The following NTS variants were observed in gnomAD, a reference collection of about 807,000 sequenced individuals.
NTS encodes neurotensin.
Under a neutral mutation model 19.5 loss-of-function variants are expected in NTS, and 20 were observed. That is an observed-to-expected ratio of 1.02 (90% CI 0.72 to 1.49). The LOEUF (loss-of-function observed/expected upper bound fraction) is 1.49. Ranked by LOEUF, NTS falls within the 40% of genes most tolerant of loss-of-function variation. The probability of loss-of-function intolerance (pLI) is 0.00; values close to 1 mark genes in which losing one functional copy is unlikely to be tolerated. For synonymous variants in NTS, 71 were observed against 63.3 expected, an observed-to-expected ratio of 1.12 and a Z score of -0.58; for missense variants, 215 against 193.1, an observed-to-expected ratio of 1.11 and a Z score of -0.67.
intron 3 of NTS, among the ~76,000 whole-genome samples, chr12:85,880,574 A>G (rs757635175): frequency 1.3e-5 from 2 of 152,180 alleles, no homozygotes; most frequent in Non-Finnish European, 2.9e-5. Context: ...GCAAAAAGAT[A>G]ATTTCTAAAC....
At chr12:85,876,211 T>C (rs1219460512) in intron 1 of NTS, among the ~76,000 whole-genome samples, 1 of 151,990 alleles carries the variant, frequency 6.6e-6, no homozygotes. Flanking sequence ...CCTTTGGTTT[T>C]GTCTTGAAAA....
At position 85,878,326 on chromosome 12, in the gene NTS, T is replaced by G. The variant is rs759992678; in HGVS notation, c.136-19T>G. On this transcript the variant is annotated intron_variant, in intron 2 of 3. Transcript: ENST00000256010. ...GTAACACAAGTTTTAATTGCAGGGG[T>G]TTTTTTAATATATTTCAGATTAGTA... 5 of 1,528,404 alleles carry G rather than the reference T, an allele frequency of 3.3e-6. No homozygotes were observed. The highest frequency in any genetic ancestry group is 4.4e-6 in the Non-Finnish European group (5 of 1,128,494). The allele number at this position is 1,528,404 out of a possible 1,614,324, so 94.7% of individuals were successfully genotyped here.
At chr12:85,874,948 A>C (rs552933321) in intron 1 of NTS, among the ~76,000 whole-genome samples, 1 of 152,358 alleles carries the variant, frequency 6.6e-6, no homozygotes, top group East Asian at 1.9e-4. Context: ...TAAGATAACA[A>C]ATAAAGTGAA....
intron 3 of NTS, among the ~76,000 whole-genome samples, chr12:85,881,230 C>T (rs1881495840): frequency 6.6e-6 from 1 of 152,016 alleles, no homozygotes; most frequent in Non-Finnish European, 1.5e-5. Context: ...GCTGTTTTTT[C>T]TCCTCTGAAA....
intron 1 of NTS, 78 bp downstream of exon 1, chr12:85,874,554 T>A: frequency 1.0e-6 from 1 of 974,410 alleles, no homozygotes; most frequent in Non-Finnish European, 1.6e-6. Context: ...CTTATGTTAA[T>A]GTATCTGGGG....
chr12:85,878,249 T>TG, intron 2 of NTS, 96 bp from the exon 3 acceptor site: 2 of 827,976 alleles, frequency 2.4e-6, no homozygotes, highest in South Asian at 3.7e-5. Context: ...GGAGTAGCAA[T>TG]TAGACCCTAA....
Position 85,878,359 on chromosome 12 carries a change from T to TG in NTS, c.151dup (p.Val51GlyfsTer17), listed in dbSNP as rs1183948673. On this transcript the variant is annotated frameshift_variant, in exon 3 of 4. Coordinates refer to ENST00000256010, the MANE Select transcript of NTS (RefSeq NM_006183.5). LOFTEE classifies it high-confidence loss of function. ...ATATATTTCAGATTAGTAAAGCACA[T>TG]GTTCCCTCTTGGAAGATGACTCTGC... 6.2e-7 allele frequency: 1 copy of TG among 1,603,656 alleles called. No homozygotes were observed.
rs1218948778 is a variant in NTS at position 85,882,471 on chromosome 12, C to T, written c.*96C>T. The T allele has an allele frequency of 1.0e-6, 1 of 957,086 alleles. No individual in the cohort carries two copies. Among genetic ancestry groups the T allele is most frequent in the Non-Finnish European group, 1.6e-6 (1 of 643,886 alleles). 59.3% of individuals were successfully genotyped at this position (957,086 alleles called of 1,614,324 possible). ...GTGAAAATGTGACAAACACACTTATCTGTCTCTTCTACAATTGTGGTTTAT... is the reference window on the plus strand; with the variant it reads ...GTGAAAATGTGACAAACACACTTATTTGTCTCTTCTACAATTGTGGTTTAT... On this transcript the variant is annotated 3_prime_UTR_variant, in exon 4 of 4. Transcript: ENST00000256010.
rs1196121483 is a variant in NTS at position 85,874,342 on chromosome 12, G to A, written c.-62G>A. The A allele has an allele frequency of 8.4e-7, 1 of 1,190,690 alleles. No individual in the cohort carries two copies. The highest frequency in any genetic ancestry group is 1.3e-6 in the Non-Finnish European group (1 of 794,554). 73.8% of individuals were successfully genotyped at this position (1,190,690 alleles called of 1,614,324 possible). ...CAGCTGAAGGAAAGAGGAAGTGCTA[G>A]AGAGAGCCCCCTTCAGTGTGCTTCT... On this transcript the variant is annotated 5_prime_UTR_variant, in exon 1 of 4. Transcript: ENST00000256010.
chr12:85,882,151 A>G (rs1477712384), intron 3 of NTS, 72 bp from the exon 4 acceptor site: 2 of 1,175,108 alleles, frequency 1.7e-6, no homozygotes, highest in Non-Finnish European at 2.5e-6. Context: ...AATGAGATAG[A>G]ATGTAGAAAA....
At chr12:85,874,796 G>A (rs1881301887) in intron 1 of NTS, among the ~76,000 whole-genome samples, 1 of 152,102 alleles carries the variant, frequency 6.6e-6, no homozygotes, top group Admixed American at 6.6e-5. Flanking sequence ...GAGAAATACA[G>A]AGGCAGTGGC....
At chr12:85,881,932 G>A (rs537816370) in intron 3 of NTS, among the ~76,000 whole-genome samples, 21 of 151,988 alleles carry the variant, frequency 1.4e-4, no homozygotes, top group Non-Finnish European at 2.6e-4. Context: ...ATTAGTGTAC[G>A]GCCTTGAAAT....
Position 85,878,421 on chromosome 12 carries a change from C to T in NTS, c.212C>T (p.Pro71Leu). The change falls in exon 3 of 4, where the codon CCA (proline) becomes CTA (leucine). Residue 71 changes from proline to leucine, a missense_variant. By Grantham distance (98) the Pro-to-Leu change is moderately conservative. Transcript: ENST00000256010. ...AGTCTTGTAAATAATTTGAACAGCCCAGCTGAGGAAACAGGAGAAGTTCAT... is the reference window on the plus strand; with the variant it reads ...AGTCTTGTAAATAATTTGAACAGCCTAGCTGAGGAAACAGGAGAAGTTCAT... ...VCSLVNNLNS[P>L]AEETGEVHEE... 1.2e-6 allele frequency: 2 copies of T among 1,613,552 alleles called. No individual in the cohort carries two copies. The highest frequency in any genetic ancestry group is 1.7e-6 in the Non-Finnish European group (2 of 1,179,728).
chr12:85,880,635 T>C (rs570501163), intron 3 of NTS, among the ~76,000 whole-genome samples: 1 of 152,324 alleles, frequency 6.6e-6, no homozygotes, highest in Non-Finnish European at 1.5e-5. Flanking sequence ...TTTAATTAAA[T>C]TCCTGGTAAA....
At chr12:85,882,136 C>T (rs1881515846) in intron 3 of NTS, 87 bp from the exon 4 acceptor site, 5 of 1,059,036 alleles carry the variant, frequency 4.7e-6, no homozygotes, top group Non-Finnish European at 7.0e-6. Flanking sequence ...GCTGTCTTAA[C>T]AGCAAATGAG....
At chr12:85,881,113 GTTA>G (rs1475335563) in intron 3 of NTS, among the ~76,000 whole-genome samples, 1 of 152,068 alleles carries the variant, frequency 6.6e-6, no homozygotes, top group Non-Finnish European at 1.5e-5. Context: ...TATTTTAAAT[GTTA>G]TTGAGTGATT....
At position 85,875,439 on chromosome 12, in the gene NTS, C is replaced by T. The variant is rs529041435; in HGVS notation, c.73+963C>T. On this transcript the variant is annotated intron_variant, in intron 1 of 3. Coordinates refer to ENST00000256010, the MANE Select transcript of NTS (RefSeq NM_006183.5). ...GACATGGAAATGTTTAACTCAAACT[C>T]ATGCTATCATTTGATTTAAATTATG... Among the ~76,000 whole-genome samples, 3 of 152,134 alleles carry T rather than the reference C, an allele frequency of 2.0e-5. No individual in the cohort carries two copies. The East Asian group carries it at 5.8e-4, about 29-fold the overall frequency.
At chr12:85,881,062 A>T (rs1359333279) in intron 3 of NTS, among the ~76,000 whole-genome samples, 3 of 152,216 alleles carry the variant, frequency 2.0e-5, no homozygotes, top group Non-Finnish European at 4.4e-5. Flanking sequence ...GTAAACTATT[A>T]TGTAGACCAA....
rs143347567 is a variant in NTS, at chr12:85,876,638, A to G, written c.74-2A>G. The G allele has an allele frequency of 7.2e-5, 113 of 1,564,436 alleles. No individual in the cohort carries two copies. Among genetic ancestry groups the G allele is most frequent in the Non-Finnish European group, 8.2e-5 (94 of 1,145,602 alleles). On this transcript the variant is annotated splice_acceptor_variant, in intron 1 of 3. Transcript: ENST00000256010. LOFTEE classifies it high-confidence loss of function. ...AGTAAACCTGATTTTGATTTTACTCAGATTCAGAAGAGGAAATGAAAGCAT... is the reference window on the plus strand; with the variant it reads ...AGTAAACCTGATTTTGATTTTACTCGGATTCAGAAGAGGAAATGAAAGCAT...
Sources: gnomAD v4.1 joint callset for allele counts (sites outside exome capture counted in the v4.1 genomes callset) on GRCh38, gnomAD v4.1.1 for gene constraint, MANE v1.5 for transcripts, NCBI Gene and HGNC (gene_info 2026-07-23, HGNC 2026-07-21) for gene names.